The following RABL2A variants were observed in gnomAD, a reference collection of about 807,000 sequenced individuals.
RABL2A encodes the protein RAB, member of RAS oncogene family like 2A, also known as rab-like protein 2A.
RABL2A carries 17 observed loss-of-function variants against 30.7 expected under a neutral mutation model. The ratio of observed to expected loss-of-function variants is 0.55; its 90% CI spans 0.38 to 0.83. The LOEUF is 0.83. Among genes scored for constraint, RABL2A ranks in the 40% least tolerant of loss-of-function variants. The probability of loss-of-function intolerance (pLI) is 0.00; values close to 1 mark genes in which losing one functional copy is unlikely to be tolerated. For missense variants in RABL2A, 155 were observed against 272.6 expected (o/e 0.57, Z 3.04); for synonymous variants, 64 against 101.8 (o/e 0.63, Z 2.24).
Position 113,634,273 on chromosome 2 carries a change from G to C in RABL2A, c.217+41G>C, listed in dbSNP as rs144143103. The stretch of plus-strand genomic sequence containing the variant: ...CCAAGACATGCTGACCCTCAGGAAA[G>C]AGGAAATGGGAGACGAGGGGAGGTG... On this transcript the variant is annotated intron_variant, in intron 4 of 8. Coordinates refer to ENST00000683472, the MANE Select transcript of RABL2A (RefSeq NM_001306158.2). 1.6e-3 allele frequency: 2,595 copies of C among 1,579,344 alleles called. 32 individuals are homozygous for C. In the African/African-American group the frequency reaches 0.031, roughly 19 times the overall value.
At chr2:113,630,932 C>T (rs1291837597) in intron 2 of RABL2A, among the ~76,000 whole-genome samples, 3 of 152,008 alleles carry the variant, frequency 2.0e-5, no homozygotes, top group Non-Finnish European at 4.4e-5. Context: ...GAGTCTTGCT[C>T]TGTCACCCAG....
At chr2:113,636,316 A>G (rs566284560) in intron 5 of RABL2A, among the ~76,000 whole-genome samples, 65 of 152,050 alleles carry the variant, frequency 4.3e-4, no homozygotes, top group Admixed American at 3.9e-3. Context: ...TCGGGAATCC[A>G]TGTCTGAAGT....
At position 113,635,030 on chromosome 2, in the gene RABL2A, C is replaced by G. The variant is rs756340190; in HGVS notation, c.218-21C>G. ...ACAGAAATGCACCAGGCATGTAGGT[C>G]TGTCTGTGTTCACATTGCAGACTTT... is the stretch of plus-strand genomic sequence containing the variant. On this transcript the variant is annotated intron_variant, in intron 4 of 8. Transcript: ENST00000683472. The G allele has an allele frequency of 3.7e-6, 6 of 1,614,058 alleles. No individual in the cohort carries two copies. In the African/African-American group the frequency reaches 8.0e-5, roughly 22 times the overall value.
chr2:113,634,038 A>G (rs1442808145), intron 3 of RABL2A, 115 bp from the exon 4 acceptor site: 14 of 1,454,242 alleles, frequency 9.6e-6, no homozygotes, highest in Admixed American at 4.1e-5. Context: ...TAAAATCTCA[A>G]TAACTCCAAA....
At chr2:113,640,273 T>G (rs1684646677) in intron 5 of RABL2A, 1 of 153,256 alleles carries the variant, frequency 6.5e-6, no homozygotes, top group Non-Finnish European at 1.5e-5. Flanking sequence ...CAAAAGTTTT[T>G]ACAATTTCTA....
rs1685721344 is a variant in RABL2A at position 113,643,078 on chromosome 2, C to T, written c.*949C>T. The stretch of plus-strand genomic sequence containing the variant: ...CTAGCTATAGTTAGGAATACACAAG[C>T]GGTAAAATCGAGTCCTTACAGCCAT... On this transcript the variant is annotated 3_prime_UTR_variant, in exon 9 of 9. Transcript: ENST00000683472. The T allele has an allele frequency of 1.1e-5, 5 of 448,756 alleles. No homozygotes were observed. The highest frequency in any genetic ancestry group is 4.7e-5 in the South Asian group (3 of 63,380). The allele number at this position is 448,756 out of a possible 1,614,324, so 27.8% of individuals were successfully genotyped here.
intron 5 of RABL2A, 61 bp downstream of exon 5, chr2:113,635,191 G>T (rs1682092432): frequency 6.5e-7 from 1 of 1,546,682 alleles, no homozygotes; most frequent in African/African-American, 1.4e-5. Context: ...GGGGTGAGGG[G>T]CCTAGCAGCC....
intron 5 of RABL2A, chr2:113,638,607 C>T (rs1559196127): frequency 5.3e-6 from 5 of 937,224 alleles, no homozygotes; most frequent in Non-Finnish European, 6.3e-6. Flanking sequence ...GTGACTCATG[C>T]CTTTAATCCC....
intron 5 of RABL2A, chr2:113,640,337 AATAAG>A (rs1237342175): frequency 6.4e-6 from 1 of 155,398 alleles, no homozygotes; most frequent in African/African-American, 2.4e-5. Context: ...AAAATAGGTG[AATAAG>A]ATTAGATGAC....
At position 113,642,242 on chromosome 2, in the gene RABL2A, C is replaced by T; in HGVS notation, c.*113C>T. On this transcript the variant is annotated 3_prime_UTR_variant, in exon 9 of 9. Transcript: ENST00000683472. ...CCATCCCCTCTTCTACCTCCTGCAA[C>T]CCACCCATCCTATTAGCCTCCCACA... The T allele has an allele frequency of 2.7e-6, 4 of 1,483,652 alleles. No homozygotes were observed. The highest frequency in any genetic ancestry group is 3.6e-6 in the Non-Finnish European group (4 of 1,113,148). The allele number at this position is 1,483,652 out of a possible 1,614,324, so 91.9% of individuals were successfully genotyped here.
At position 113,634,296 on chromosome 2, in the gene RABL2A, G is replaced by C; in HGVS notation, c.217+64G>C. 5 of 1,562,628 alleles carry C rather than the reference G, an allele frequency of 3.2e-6. No individual in the cohort carries two copies. The South Asian group carries it at 5.9e-5, about 18-fold the overall frequency. Reference sequence around the variant, plus strand: ...AAGAGGAAATGGGAGACGAGGGGAGGTGAGGCAAGGTTCATAAGGAGAGAG... The same window carrying C: ...AAGAGGAAATGGGAGACGAGGGGAGCTGAGGCAAGGTTCATAAGGAGAGAG... On this transcript the variant is annotated intron_variant, in intron 4 of 8. Coordinates refer to ENST00000683472, the MANE Select transcript of RABL2A (RefSeq NM_001306158.2).
intron 2 of RABL2A, among the ~76,000 whole-genome samples, chr2:113,631,436 C>A (rs1229286242): frequency 6.6e-6 from 1 of 152,132 alleles, no homozygotes; most frequent in East Asian, 1.9e-4. Flanking sequence ...CACCATGTGA[C>A]TCCCTGGGTC....
In RABL2A at chr2:113,643,169, G is replaced by A. The variant is rs1238743001; in HGVS notation, c.*1040G>A. The A allele has an allele frequency of 2.2e-6, 1 of 455,484 alleles. No homozygotes were observed. Among genetic ancestry groups the A allele is most frequent in the South Asian group, 1.6e-5 (1 of 64,398 alleles). The allele number at this position is 455,484 out of a possible 1,614,324, so 28.2% of individuals were successfully genotyped here. ...TTTAAAGTTCCTATTTCAGCATAAA[G>A]AGGCTGTCCTTTTTTTTTAGGAATA... is the stretch of plus-strand genomic sequence containing the variant. On this transcript the variant is annotated 3_prime_UTR_variant, in exon 9 of 9. Coordinates refer to ENST00000683472, the MANE Select transcript of RABL2A (RefSeq NM_001306158.2).
chr2:113,631,309 A>G (rs1559128928), intron 2 of RABL2A, among the ~76,000 whole-genome samples: 2 of 152,026 alleles, frequency 1.3e-5, no homozygotes. Flanking sequence ...ACCGTTAATG[A>G]TTGCCTATCA....
At position 113,635,073 on chromosome 2, in the gene RABL2A, G is replaced by A; in HGVS notation, c.240G>A (p.Gln80=). Residue 80 remains glutamine, a synonymous_variant, in exon 5 of 9, where the codon CAG becomes CAA. Transcript: ENST00000683472. ...ILVDFWDTAG[Q]ERFQSMHASY... ...CAGACTTTTGGGACACGGCAGGCCA[G>A]GAGCGGTTCCAGAGCATGCATGCCT... 1 of 1,614,246 alleles carries A rather than the reference G, an allele frequency of 6.2e-7. No individual in the cohort carries two copies. The highest frequency in any genetic ancestry group is 8.5e-7 in the Non-Finnish European group (1 of 1,180,048).
At chr2:113,640,482 T>C in intron 5 of RABL2A, 1 of 275,012 alleles carries the variant, frequency 3.6e-6, no homozygotes, top group Non-Finnish European at 7.1e-6. Flanking sequence ...TTCAAGCAAT[T>C]CTCCTGCCTC....
At chr2:113,641,919 T>C (rs1685345641) in intron 8 of RABL2A, 55 bp downstream of exon 8, 3 of 1,459,576 alleles carry the variant, frequency 2.1e-6, no homozygotes, top group African/African-American at 3.0e-5. Flanking sequence ...TCTTCAGGGA[T>C]AGGGACTACA....
At chr2:113,636,892 G>C (rs1682986683) in intron 5 of RABL2A, among the ~76,000 whole-genome samples, 1 of 152,010 alleles carries the variant, frequency 6.6e-6, no homozygotes, top group South Asian at 2.1e-4. Flanking sequence ...GGGAGGCTGA[G>C]GCAGGAGAAT....
chr2:113,640,263 CA>C (rs1351489016), intron 5 of RABL2A: 1 of 153,166 alleles, frequency 6.5e-6, no homozygotes, highest in South Asian at 2.0e-4. Flanking sequence ...CTAAAAAACA[CA>C]AAAGTTTTTA....
Sources: gnomAD v4.1 joint callset for allele counts (sites outside exome capture counted in the v4.1 genomes callset) on GRCh38, gnomAD v4.1.1 for gene constraint, MANE v1.5 for transcripts, NCBI Gene and HGNC (gene_info 2026-07-23, HGNC 2026-07-21) for gene names.